ASB15: variants seen among roughly 807,000 people sequenced by gnomAD.
ASB15 encodes the protein ankyrin repeat and SOCS box protein 15.
A neutral mutation model predicts 58.0 loss-of-function variants in ASB15; 54 were observed. The observed-to-expected ratio is 0.93, with a 90% CI of 0.75 to 1.17. The LOEUF (loss-of-function observed/expected upper bound fraction) is 1.17. Among genes scored for constraint, ASB15 ranks in the 50% most tolerant of loss-of-function variants. The pLI, the probability that ASB15 is intolerant of heterozygous loss-of-function variation, is 0.00. For synonymous variants in ASB15, 249 were observed against 262.4 expected, an observed-to-expected ratio of 0.95 and a Z score of 0.50; for missense variants, 680 against 707.4, an observed-to-expected ratio of 0.96 and a Z score of 0.44.
intron 9 of ASB15, among the ~76,000 whole-genome samples, chr7:123,628,522 C>T (rs1035403488): frequency 6.6e-6 from 1 of 152,174 alleles, no homozygotes; most frequent in African/African-American, 2.4e-5. Context: ...TTTTCTTCTA[C>T]ATTTTTAAAA....
intron 3 of ASB15, among the ~76,000 whole-genome samples, chr7:123,611,750 T>A (rs1426798316): frequency 3.3e-5 from 5 of 152,152 alleles, no homozygotes; most frequent in African/African-American, 1.2e-4. Context: ...TCTTGACGTC[T>A]TTAAGTCCAT....
intron 1 of ASB15, among the ~76,000 whole-genome samples, chr7:123,603,031 C>A (rs1056799966): frequency 2.6e-5 from 4 of 152,068 alleles, no homozygotes; most frequent in Non-Finnish European, 5.9e-5. Context: ...TTAGTGTAAT[C>A]CCTATCACAG....
intron 1 of ASB15, among the ~76,000 whole-genome samples, chr7:123,576,846 C>G (rs1799080458): frequency 6.6e-6 from 1 of 152,144 alleles, no homozygotes; most frequent in Non-Finnish European, 1.5e-5. Flanking sequence ...GCATTTCTTG[C>G]AGGGTCTGCT....
chr7:123,632,780 A>G (rs1802191065), intron 11 of ASB15, among the ~76,000 whole-genome samples: 1 of 152,230 alleles, frequency 6.6e-6, no homozygotes, highest in Admixed American at 6.5e-5. Flanking sequence ...AATACAAAAA[A>G]CTAAGTTTCA....
rs1197054069 is a variant in ASB15, at chr7:123,627,209, G to A, written c.797G>A (p.Gly266Glu). 1 of 1,614,012 alleles carries A rather than the reference G, an allele frequency of 6.2e-7. No individual in the cohort carries two copies. The change falls in exon 9 of 12, where the codon GGA (glycine) becomes GAA (glutamate). Residue 266 changes from glycine (G) to glutamate (E), a missense_variant. Transcript: ENST00000451215. ...TGCATTTCCCTCCTGCTGGAATATGGAGGAAGCGGAAATGTACCTAACCGA... is the reference window on the plus strand; with the variant it reads ...TGCATTTCCCTCCTGCTGGAATATGAAGGAAGCGGAAATGTACCTAACCGA... The part of the protein sequence containing the change: ...PDCISLLLEY[G>E]GSGNVPNRAG...
intron 1 of ASB15, among the ~76,000 whole-genome samples, chr7:123,592,443 C>T (rs528203843): frequency 6.6e-6 from 1 of 152,308 alleles, no homozygotes; most frequent in African/African-American, 2.4e-5. Flanking sequence ...TTTCCCTCCA[C>T]ACACTGCTTT....
intron 1 of ASB15, among the ~76,000 whole-genome samples, chr7:123,589,513 C>T (rs1469050215): frequency 6.6e-6 from 1 of 151,898 alleles, no homozygotes; most frequent in African/African-American, 2.4e-5. Context: ...ATGTTCCCTT[C>T]TCTCTGTCCC....
intron 4 of ASB15, among the ~76,000 whole-genome samples, 175 bp from the exon 5 acceptor site, chr7:123,616,046 C>A (rs895845167): frequency 2.0e-5 from 3 of 152,136 alleles, no homozygotes; most frequent in African/African-American, 7.2e-5. Flanking sequence ...TAAATATACT[C>A]TGTGTCTGAC....
chr7:123,612,455 T>C (rs1461435089), intron 3 of ASB15: 5 of 151,992 alleles, frequency 3.3e-5, no homozygotes, highest in Admixed American at 2.6e-4. Flanking sequence ...AACCCAGACA[T>C]TGGAAAAATA....
At chr7:123,613,160 C>T (rs753003338) in intron 3 of ASB15, among the ~76,000 whole-genome samples, 10 of 151,980 alleles carry the variant, frequency 6.6e-5, no homozygotes, top group Non-Finnish European at 1.2e-4. Context: ...TGAGTTCATG[C>T]GCAGTCTGTC....
chr7:123,568,147 G>A (rs1798808663), intron 1 of ASB15, among the ~76,000 whole-genome samples: 1 of 152,112 alleles, frequency 6.6e-6, no homozygotes, highest in South Asian at 2.1e-4. Context: ...ATGTGAAAAT[G>A]GGGATATCTC....
chr7:123,593,534 T>C (rs1799606437), intron 1 of ASB15, among the ~76,000 whole-genome samples: 1 of 152,186 alleles, frequency 6.6e-6, no homozygotes, highest in Admixed American at 6.6e-5. Flanking sequence ...TTACAAAGCT[T>C]AGTTTGGCTG....
At chr7:123,619,264 TCTTCC>T (rs1344463668) in intron 7 of ASB15, among the ~76,000 whole-genome samples, 1 of 149,940 alleles carries the variant, frequency 6.7e-6, no homozygotes, top group Non-Finnish European at 1.5e-5. Flanking sequence ...AATGGACTAA[TCTTCC>T]TCCTTTCAGA....
At chr7:123,612,027 G>A (rs1800494421) in intron 3 of ASB15, among the ~76,000 whole-genome samples, 1 of 152,044 alleles carries the variant, frequency 6.6e-6, no homozygotes, top group Admixed American at 6.6e-5. Context: ...TCTTTATGGA[G>A]CCTGTGCTCT....
In ASB15 at chr7:123,629,204, G is replaced by A. The variant is rs937438561; in HGVS notation, c.1210G>A (p.Ala404Thr). The change falls in exon 10 of 12, where the codon GCT (alanine) becomes ACT (threonine). Residue 404 changes from alanine to threonine, a missense_variant. Ala to Thr is a moderately conservative substitution (Grantham distance 58). Coordinates refer to ENST00000451215, the MANE Select transcript of ASB15 (RefSeq NM_001290258.2). ...EIVRLLLSHGANVNCYFMHVN... is the reference protein window; with the variant it reads ...EIVRLLLSHGTNVNCYFMHVN... ...TGTCAGGCTGCTTCTCTCCCATGGAGCTAATGTCAATTGTTATTTTATGCA... is the reference window on the plus strand; with the variant it reads ...TGTCAGGCTGCTTCTCTCCCATGGAACTAATGTCAATTGTTATTTTATGCA... 1.4e-5 allele frequency: 22 copies of A among 1,613,676 alleles called. No individual in the cohort carries two copies. Among genetic ancestry groups the A allele is most frequent in the Non-Finnish European group, 1.9e-5 (22 of 1,179,722 alleles).
At chr7:123,620,621 G>C (rs1354399241) in intron 7 of ASB15, among the ~76,000 whole-genome samples, 2 of 120,948 alleles carry the variant, frequency 1.7e-5, no homozygotes, top group Admixed American at 9.5e-5. Context: ...GCCCAGGCTG[G>C]AGTGCAGTGG....
intron 8 of ASB15, among the ~76,000 whole-genome samples, chr7:123,626,355 C>T (rs1453216415): frequency 1.3e-5 from 2 of 152,216 alleles, no homozygotes; most frequent in African/African-American, 4.8e-5. Context: ...GCCTGCAATC[C>T]CAGCTACTCA....
chr7:123,597,088 G>GT (rs1232642052), upstream of ASB15, among the ~76,000 whole-genome samples: 3 of 152,166 alleles, frequency 2.0e-5, no homozygotes, highest in Non-Finnish European at 4.4e-5. Context: ...TGTTACCCTA[G>GT]TCAAAAAATA....
intron 1 of ASB15, among the ~76,000 whole-genome samples, chr7:123,570,004 C>T (rs1798862777): frequency 6.7e-6 from 1 of 149,640 alleles, no homozygotes. Flanking sequence ...TCAACAATAC[C>T]TAAAGTTTAC....
Sources: allele counts gnomAD v4.1 joint callset (sites outside exome capture counted in the v4.1 genomes callset), GRCh38; gene constraint gnomAD v4.1.1; transcripts MANE v1.5; gene names NCBI Gene and HGNC (gene_info 2026-07-23, HGNC 2026-07-21).